The following LOXL2 variants were observed in gnomAD, a reference collection of about 807,000 sequenced individuals.
LOXL2 encodes lysyl oxidase homolog 2.
LOXL2 carries 70 observed loss-of-function variants against 93.0 expected under a neutral mutation model. The ratio of observed to expected loss-of-function variants is 0.75; its 90% confidence interval spans 0.62 to 0.92. The LOEUF is 0.92. Ranked by LOEUF, LOXL2 falls within the 40% of genes least tolerant of loss-of-function variation. The probability of loss-of-function intolerance (pLI) is 0.00; values close to 1 mark genes in which losing one functional copy is unlikely to be tolerated. For synonymous variants in LOXL2, 438 were observed against 413.2 expected (o/e 1.06, Z -0.73); for missense variants, 973 against 1,054.9 (o/e 0.92, Z 1.08).
chr8:23,307,004 A>G (rs1803239662), intron 10 of LOXL2, among the ~76,000 whole-genome samples: 1 of 152,212 alleles, frequency 6.6e-6, no homozygotes, highest in Admixed American at 6.5e-5. Flanking sequence ...AAGGGCTTTC[A>G]AAGAACAGAG....
intron 3 of LOXL2, among the ~76,000 whole-genome samples, chr8:23,342,543 T>C (rs1343155699): frequency 6.6e-6 from 1 of 151,348 alleles, no homozygotes; most frequent in Non-Finnish European, 1.5e-5. Flanking sequence ...GCCATTCTCC[T>C]GCCTCAGCCT....
chr8:23,315,265 A>G (rs1803377588), intron 9 of LOXL2, among the ~76,000 whole-genome samples: 1 of 152,192 alleles, frequency 6.6e-6, no homozygotes, highest in Admixed American at 6.5e-5. Context: ...AGGGAGAATC[A>G]AGGAGGTTGT....
intron 1 of LOXL2, among the ~76,000 whole-genome samples, chr8:23,377,389 T>C (rs1229973068): frequency 1.3e-5 from 2 of 151,802 alleles, no homozygotes; most frequent in Non-Finnish European, 2.9e-5. Context: ...ATAAGTGCGA[T>C]GTGGTGCTGA....
intron 3 of LOXL2, 62 bp from the exon 4 acceptor site, chr8:23,341,265 G>T: frequency 7.5e-7 from 1 of 1,339,992 alleles, no homozygotes. Flanking sequence ...AGAGACACCA[G>T]GCAACCAGTA....
intron 8 of LOXL2, among the ~76,000 whole-genome samples, chr8:23,318,310 G>A (rs928180654): frequency 6.6e-6 from 1 of 152,010 alleles, no homozygotes; most frequent in African/African-American, 2.4e-5. Flanking sequence ...AGACCTGCCA[G>A]CCCCATAATT....
chr8:23,342,991 T>TCCTC, intron 3 of LOXL2, among the ~76,000 whole-genome samples: 1 of 152,288 alleles, frequency 6.6e-6, no homozygotes, highest in South Asian at 2.1e-4. Flanking sequence ...CCTCAAGGCA[T>TCCTC]CCTCCCACCT....
intron 5 of LOXL2, among the ~76,000 whole-genome samples, chr8:23,330,213 A>G (rs1223055137): frequency 6.6e-6 from 1 of 152,200 alleles, no homozygotes; most frequent in East Asian, 1.9e-4. Flanking sequence ...GGGTGCCTGT[A>G]GTCCCAGCTA....
chr8:23,357,064 T>C (rs1428239687), intron 3 of LOXL2, among the ~76,000 whole-genome samples: 1 of 151,514 alleles, frequency 6.6e-6, no homozygotes, highest in African/African-American at 2.4e-5. Flanking sequence ...CATATTTTTT[T>C]TCAGTCTTCT....
In LOXL2 at chr8:23,309,652, G is replaced by T; in HGVS notation, c.1880+16C>A. 1 of 1,419,784 alleles carries T rather than the reference G, an allele frequency of 7.0e-7. No individual in the cohort carries two copies. Among genetic ancestry groups the T allele is most frequent in the South Asian group, 1.5e-5 (1 of 64,916 alleles). 87.9% of individuals were successfully genotyped at this position (1,419,784 alleles called of 1,614,324 possible). A position where few individuals can be genotyped will look rare whatever the true frequency, so the allele number is the denominator to read the frequency against. ...CGCCGGGCAGCTTAGTGGGGAGGGT[G>T]GCCAGCCAGGCCTACCTGTGACAGT... On this transcript the variant is annotated intron_variant, in intron 10 of 13. Transcript: ENST00000389131.
At chr8:23,342,148 C>G (rs145307654) in intron 3 of LOXL2, among the ~76,000 whole-genome samples, 1 of 152,176 alleles carries the variant, frequency 6.6e-6, no homozygotes, top group African/African-American at 2.4e-5. Context: ...CGACGTGGAG[C>G]TGAAATATCC....
chr8:23,381,839 A>G (rs1295731617), intron 1 of LOXL2, among the ~76,000 whole-genome samples: 1 of 152,226 alleles, frequency 6.6e-6, no homozygotes, highest in Non-Finnish European at 1.5e-5. Context: ...CTCTGCTTAC[A>G]TTGCTCACAC....
chr8:23,318,110 G>A (rs1031725126), intron 8 of LOXL2, among the ~76,000 whole-genome samples: 1 of 151,824 alleles, frequency 6.6e-6, no homozygotes, highest in Non-Finnish European at 1.5e-5. Flanking sequence ...TAGACTTTGA[G>A]TAAGGCAGAT....
rs140401947 is a variant in LOXL2 at position 23,333,494 on chromosome 8, G to T, written c.873C>A (p.Cys291Ter). The change falls in exon 5 of 14, where the codon TGC becomes TGA. Residue 291 changes from cysteine to a stop codon, truncating the protein, a stop_gained. Coordinates refer to ENST00000389131, the MANE Select transcript of LOXL2 (RefSeq NM_002318.3). LOFTEE classifies it high-confidence loss of function. The part of the protein sequence containing the change: ...VSLDPMKNVT[C>*]ENGLPAVVSC... ...TCACCACGGCCGGTAGCCCATTCTC[G>T]CAGGTGACATTCTTCATGGGGTCCA... 6.2e-7 allele frequency: 1 copy of T among 1,613,976 alleles called. No homozygotes were observed.
intron 1 of LOXL2, among the ~76,000 whole-genome samples, chr8:23,389,828 G>C (rs1804814342): frequency 6.6e-6 from 1 of 152,104 alleles, no homozygotes; most frequent in African/African-American, 2.4e-5. Context: ...CCAGTAAATA[G>C]GGAAGTGATT....
intron 3 of LOXL2, among the ~76,000 whole-genome samples, chr8:23,350,670 C>T (rs1157850928): frequency 6.6e-6 from 1 of 152,182 alleles, no homozygotes; most frequent in Non-Finnish European, 1.5e-5. Context: ...TTCCTCAGCT[C>T]TAGGCAATAG....
intron 1 of LOXL2, among the ~76,000 whole-genome samples, chr8:23,397,278 A>T (rs1800102785): frequency 6.6e-6 from 1 of 152,208 alleles, no homozygotes; most frequent in South Asian, 2.1e-4. Flanking sequence ...GAGATGGCTG[A>T]TGGTGATGGT....
intron 5 of LOXL2, among the ~76,000 whole-genome samples, chr8:23,331,187 G>A (rs1803669888): frequency 6.6e-6 from 1 of 152,170 alleles, no homozygotes; most frequent in Non-Finnish European, 1.5e-5. Context: ...GGGGAGACCG[G>A]GGAGGGGAGA....
chr8:23,372,302 C>G (rs1351282725), intron 1 of LOXL2, among the ~76,000 whole-genome samples: 3 of 151,624 alleles, frequency 2.0e-5, no homozygotes, highest in Non-Finnish European at 2.9e-5. Context: ...ACTGCAACCA[C>G]TGCCTCCTGG....
chr8:23,303,336 C>T lies in LOXL2; in HGVS notation c.1942G>A (p.Val648Met). The change falls in exon 11 of 14, where the codon GTG becomes ATG. Residue 648 changes from valine to methionine, a missense_variant. By Grantham distance (21) the Val-to-Met change is conservative. Transcript: ENST00000389131. ...YDLLNLNGTK[V>M]AEGHKASFCL... ...AAGCTGGCCTTGTGGCCCTCTGCCA[C>T]CTTGGTGCCATTGAGGTTCAGCAGG... The T allele has an allele frequency of 6.2e-7, 1 of 1,613,816 alleles. No individual in the cohort carries two copies. Among genetic ancestry groups the T allele is most frequent in the Non-Finnish European group, 8.5e-7 (1 of 1,179,946 alleles).
Sources: allele counts gnomAD v4.1 joint callset (sites outside exome capture counted in the v4.1 genomes callset), GRCh38; gene constraint gnomAD v4.1.1; transcripts MANE v1.5; gene names NCBI Gene and HGNC (gene_info 2026-07-23, HGNC 2026-07-21).